The following THSD7A variants were observed in gnomAD, a reference collection of about 807,000 sequenced individuals.
THSD7A encodes thrombospondin type 1 domain containing 7A, also known as thrombospondin type-1 domain-containing protein 7A.
A neutral mutation model predicts 231.3 loss-of-function variants in THSD7A; 96 were observed. That is an observed-to-expected ratio of 0.41 (90% CI 0.35 to 0.49). The LOEUF is 0.49. Among genes scored for constraint, THSD7A ranks in the 20% least tolerant of loss-of-function variants. The pLI is 0.05. For synonymous variants in THSD7A, 940 were observed against 743.3 expected, an observed-to-expected ratio of 1.26 and a Z score of -4.30; for missense variants, 2,290 against 2,070.2, an observed-to-expected ratio of 1.11 and a Z score of -2.06.
At chr7:11,498,485 CT>C (rs887939191) in intron 6 of THSD7A, among the ~76,000 whole-genome samples, 1 of 152,194 alleles carries the variant, frequency 6.6e-6, no homozygotes, top group African/African-American at 2.4e-5. Context: ...TGAATTCCCC[CT>C]GGGACTGCAC....
intron 1 of THSD7A, among the ~76,000 whole-genome samples, chr7:11,684,346 T>C (rs1464585078): frequency 2.0e-5 from 3 of 150,320 alleles, no homozygotes; most frequent in Admixed American, 1.3e-4. Context: ...TTTGTTCTCA[T>C]GACTGCTATT....
intron 1 of THSD7A, among the ~76,000 whole-genome samples, chr7:11,750,941 G>C (rs917446331): frequency 6.6e-6 from 1 of 151,888 alleles, no homozygotes; most frequent in African/African-American, 2.4e-5. Flanking sequence ...TCAGTTAAGG[G>C]GTAAGACAAG....
At chr7:11,819,386 A>G (rs1784801317) in intron 1 of THSD7A, among the ~76,000 whole-genome samples, 1 of 152,240 alleles carries the variant, frequency 6.6e-6, no homozygotes, top group African/African-American at 2.4e-5. Context: ...ATGAATATTC[A>G]TAACTGCCCA....
intron 11 of THSD7A, among the ~76,000 whole-genome samples, chr7:11,449,726 T>C (rs1302541607): frequency 6.6e-6 from 1 of 152,066 alleles, no homozygotes; most frequent in East Asian, 1.9e-4. Context: ...TTTGAAGTTC[T>C]TTCTACACCT....
At chr7:11,490,130 C>T (rs1449057076) in intron 6 of THSD7A, among the ~76,000 whole-genome samples, 4 of 151,968 alleles carry the variant, frequency 2.6e-5, no homozygotes, top group African/African-American at 7.2e-5. Context: ...ATAGGTGATG[C>T]TGGGGTAAAA....
At chr7:11,543,809 G>GA (rs1554334811) in intron 4 of THSD7A, among the ~76,000 whole-genome samples, 9,464 of 151,862 alleles carry the variant, frequency 0.062, 1,010 homozygotes, top group African/African-American at 0.21. Context: ...GCTTGTCCTT[G>GA]TTTTTTTGTT....
intron 1 of THSD7A, among the ~76,000 whole-genome samples, chr7:11,719,764 T>C (rs919862779): frequency 2.6e-5 from 4 of 151,768 alleles, no homozygotes; most frequent in African/African-American, 9.7e-5. Flanking sequence ...TCCAATGCAC[T>C]AGTTCTTCCA....
intron 9 of THSD7A, among the ~76,000 whole-genome samples, chr7:11,465,400 T>C (rs1277690932): frequency 6.6e-6 from 1 of 152,070 alleles, no homozygotes. Context: ...AGGATAGGAA[T>C]GGAAAAAACA....
chr7:11,747,433 C>G (rs1170566590), intron 1 of THSD7A, among the ~76,000 whole-genome samples: 2 of 151,890 alleles, frequency 1.3e-5, no homozygotes, highest in African/African-American at 4.8e-5. Flanking sequence ...TACCAAAATA[C>G]AGAAAAATTC....
At chr7:11,431,932 T>G (rs1784489003) in intron 13 of THSD7A, among the ~76,000 whole-genome samples, 1 of 152,118 alleles carries the variant, frequency 6.6e-6, no homozygotes, top group Admixed American at 6.6e-5. Flanking sequence ...TTATTGTAGG[T>G]GGATTTTAAA....
intron 1 of THSD7A, among the ~76,000 whole-genome samples, chr7:11,756,860 G>C (rs928872570): frequency 1.3e-5 from 2 of 151,990 alleles, no homozygotes; most frequent in African/African-American, 4.8e-5. Flanking sequence ...GTTTTAAAGA[G>C]GACATTTTTA....
chr7:11,532,221 A>T (rs1006504862), intron 6 of THSD7A, among the ~76,000 whole-genome samples: 1 of 152,184 alleles, frequency 6.6e-6, no homozygotes, highest in Admixed American at 6.5e-5. Flanking sequence ...TCTTCAGCTA[A>T]ATACAGCTGC....
intron 1 of THSD7A, among the ~76,000 whole-genome samples, chr7:11,683,138 T>C (rs1385698274): frequency 4.4e-5 from 6 of 137,500 alleles, no homozygotes; most frequent in African/African-American, 1.7e-4. Flanking sequence ...AAAAAAAAAA[T>C]CAAAATCATG....
Position 11,590,339 on chromosome 7 carries a change from C to T in THSD7A, c.1453+121G>A, listed in dbSNP as rs1780103217. Reference sequence around the variant, plus strand: ...TACTGTTTACCATAGTGAATACCAACCACAATGTGAACAGAAATGCAGCCC... The same window carrying T: ...TACTGTTTACCATAGTGAATACCAATCACAATGTGAACAGAAATGCAGCCC... On this transcript the variant is annotated intron_variant, in intron 4 of 27. Coordinates refer to ENST00000423059, the MANE Select transcript of THSD7A (RefSeq NM_015204.3). The surrounding 1 kb of genome is among the most constrained non-coding windows in gnomAD (Gnocchi z 4.4). The T allele has an allele frequency of 3.0e-6, 3 of 991,002 alleles. No homozygotes were observed. Among genetic ancestry groups the T allele is most frequent in the Non-Finnish European group, 1.4e-6 (1 of 695,024 alleles). The allele number at this position is 991,002 out of a possible 1,614,324, so 61.4% of individuals were successfully genotyped here.
intron 6 of THSD7A, among the ~76,000 whole-genome samples, chr7:11,527,934 G>T (rs1338706333): frequency 3.9e-5 from 6 of 152,122 alleles, no homozygotes; most frequent in East Asian, 3.9e-4. Flanking sequence ...GGGAGGATTG[G>T]TTGATCCCAG....
intron 1 of THSD7A, among the ~76,000 whole-genome samples, chr7:11,661,529 C>CA (rs1165454806): frequency 3.4e-5 from 5 of 149,098 alleles, no homozygotes; most frequent in Non-Finnish European, 7.5e-5. Context: ...CAAAAAAAAG[C>CA]AAAAAAAGTG....
intron 14 of THSD7A, among the ~76,000 whole-genome samples, chr7:11,426,971 G>A (rs539783519): frequency 6.6e-6 from 1 of 152,136 alleles, no homozygotes; most frequent in East Asian, 1.9e-4. Context: ...ACAATACATA[G>A]CATGGGAAAT....
chr7:11,439,347 T>A (rs539983909), intron 13 of THSD7A, among the ~76,000 whole-genome samples: 8 of 152,184 alleles, frequency 5.3e-5, no homozygotes, highest in African/African-American at 1.7e-4. Flanking sequence ...AATCTTGCAT[T>A]GAGCAAATCT....
intron 1 of THSD7A, among the ~76,000 whole-genome samples, chr7:11,769,016 G>A (rs1326528628): frequency 6.8e-6 from 1 of 147,488 alleles, no homozygotes. Flanking sequence ...GGAGTGCAAT[G>A]GTGCGATCTC....
Sources: gnomAD v4.1 joint callset for allele counts (sites outside exome capture counted in the v4.1 genomes callset) on GRCh38, gnomAD v4.1.1 for gene constraint, Gnocchi (gnomAD v3.1) non-coding constraint, MANE v1.5 for transcripts, NCBI Gene and HGNC (gene_info 2026-07-23, HGNC 2026-07-21) for gene names.